PCDHA7: variants seen among roughly 807,000 people sequenced by gnomAD.
PCDHA7 encodes the protein protocadherin alpha-7.
Under a neutral mutation model 57.2 loss-of-function variants are expected in PCDHA7, and 37 were observed. The ratio of observed to expected loss-of-function variants is 0.65; its 90% CI spans 0.50 to 0.85. PCDHA7 has a LOEUF of 0.85. PCDHA7 is among the 40% of genes least tolerant of loss of function. The probability of loss-of-function intolerance (pLI) is 0.00; values close to 1 mark genes in which losing one functional copy is unlikely to be tolerated. For synonymous variants in PCDHA7, 553 were observed against 558.8 expected, an observed-to-expected ratio of 0.99 and a Z score of 0.15; for missense variants, 1,188 against 1,241.8, an observed-to-expected ratio of 0.96 and a Z score of 0.65.
intron 1 of PCDHA7, among the ~76,000 whole-genome samples, chr5:140,952,656 T>A (rs1554220534): frequency 6.6e-6 from 1 of 152,188 alleles, no homozygotes; most frequent in Admixed American, 6.5e-5. Flanking sequence ...GTTACCCAGT[T>A]CCAAAGTCAC....
chr5:140,871,588 T>C, intron 1 of PCDHA7: 1 of 1,463,366 alleles, frequency 6.8e-7, no homozygotes, highest in Non-Finnish European at 9.1e-7. Context: ...GAAAGTTTTA[T>C]GAATAACCAG....
intron 3 of PCDHA7, among the ~76,000 whole-genome samples, chr5:140,987,622 TAGATG>T (rs1554249376): frequency 2.6e-5 from 4 of 152,328 alleles, no homozygotes; most frequent in African/African-American, 9.6e-5. Flanking sequence ...TTGGAAGAAT[TAGATG>T]AGATAATGCA....
At chr5:140,851,866 C>G in intron 1 of PCDHA7, 1 of 976,572 alleles carries the variant, frequency 1.0e-6, no homozygotes, top group Non-Finnish European at 1.2e-6. Flanking sequence ...TCATACATAA[C>G]ACAAGGCAGA....
chr5:140,952,566 G>A (rs1198943972), intron 1 of PCDHA7, among the ~76,000 whole-genome samples: 1 of 151,938 alleles, frequency 6.6e-6, no homozygotes, highest in African/African-American at 2.4e-5. Flanking sequence ...TCAGCACTTC[G>A]GTCCCAATCA....
intron 1 of PCDHA7, chr5:140,927,270 C>G: frequency 6.2e-7 from 1 of 1,614,150 alleles, no homozygotes; most frequent in Non-Finnish European, 8.5e-7. Context: ...TCTTTCCTGC[C>G]GGCGACGTGC....
intron 1 of PCDHA7, chr5:140,966,733 C>T: frequency 7.1e-7 from 1 of 1,416,484 alleles, no homozygotes; most frequent in Non-Finnish European, 9.2e-7. Context: ...CCGCCTCCGG[C>T]CCTGCCCGGC....
chr5:140,941,231 C>CTT (rs1554214107), intron 1 of PCDHA7, among the ~76,000 whole-genome samples: 1 of 136,770 alleles, frequency 7.3e-6, no homozygotes, highest in African/African-American at 2.8e-5. Context: ...TTCTTTCTTT[C>CTT]TTTCTTTCTT....
At chr5:140,869,548 G>T in intron 1 of PCDHA7, 1 of 1,614,202 alleles carries the variant, frequency 6.2e-7, no homozygotes, top group Non-Finnish European at 8.5e-7. Flanking sequence ...TAAGCAATCG[G>T]ACTCGCGTTT....
At chr5:140,996,275 C>T (rs534624070) in intron 3 of PCDHA7, among the ~76,000 whole-genome samples, 43 of 152,224 alleles carry the variant, frequency 2.8e-4, no homozygotes, top group African/African-American at 8.7e-4. Flanking sequence ...GGGATTGCTG[C>T]CAAATTTCAA....
In PCDHA7 at chr5:140,835,368, C is replaced by T; in HGVS notation, c.985C>T (p.Pro329Ser). The change falls in exon 1 of 4, where the codon CCC becomes TCC. Residue 329 changes from proline to serine, a missense_variant. Physicochemically the swap from Pro to Ser is moderately conservative, Grantham distance 74. Coordinates refer to ENST00000525929, the MANE Select transcript of PCDHA7 (RefSeq NM_018910.3). ...CGAGGCTGTCGATAAAGGCTTCCCA[C>T]CCCTGGCTGGTCATTGTACAGTTCT... ...PVEAVDKGFPPLAGHCTVLVE... is the reference protein window; with the variant it reads ...PVEAVDKGFPSLAGHCTVLVE... The T allele has an allele frequency of 1.2e-6, 2 of 1,613,924 alleles. No individual in the cohort carries two copies. Among genetic ancestry groups the T allele is most frequent in the Non-Finnish European group, 1.7e-6 (2 of 1,179,854 alleles).
intron 1 of PCDHA7, among the ~76,000 whole-genome samples, chr5:140,947,069 T>G (rs2094080715): frequency 6.6e-6 from 1 of 151,696 alleles, no homozygotes; most frequent in Admixed American, 6.6e-5. Context: ...AGTGTATATA[T>G]GTATTGAAAC....
chr5:140,979,961 C>G (rs1554241296), intron 2 of PCDHA7, among the ~76,000 whole-genome samples: 1 of 152,054 alleles, frequency 6.6e-6, no homozygotes, highest in Non-Finnish European at 1.5e-5. Context: ...TAGTTTTAGC[C>G]CATTAAAATG....
intron 1 of PCDHA7, chr5:140,842,865 G>T (rs146195620): frequency 0.01 from 16,276 of 1,593,984 alleles, 1,624 homozygotes; most frequent in Non-Finnish European, 0.012. Flanking sequence ...ACGGAGAGCG[G>T]CAAGGTGTAC....
chr5:140,922,049 T>G (rs1368623726), intron 1 of PCDHA7, among the ~76,000 whole-genome samples: 1 of 152,066 alleles, frequency 6.6e-6, no homozygotes, highest in African/African-American at 2.4e-5. Context: ...CCCACATACC[T>G]TCAAAATGTA....
At chr5:141,006,412 A>G (rs1423476125) in intron 3 of PCDHA7, among the ~76,000 whole-genome samples, 7 of 151,898 alleles carry the variant, frequency 4.6e-5, no homozygotes, top group African/African-American at 1.7e-4. Flanking sequence ...ACGCGGTTTC[A>G]CTGTGTTAGC....
At position 140,841,259 on chromosome 5, in the gene PCDHA7, G is replaced by T. The variant is rs1777115854; in HGVS notation, c.2355+4521G>T. 3.3e-6 allele frequency: 5 copies of T among 1,517,592 alleles called. No homozygotes were observed. In the South Asian group the frequency reaches 6.6e-5, roughly 20 times the overall value. 94.0% of individuals were successfully genotyped at this position (1,517,592 alleles called of 1,614,324 possible). ...CAGCGGAATTGGATTAAAAGACTCT[G>T]AAAGTACAGTCGTTCATCTTTATAT... On this transcript the variant is annotated intron_variant, in intron 1 of 3. Transcript: ENST00000525929.
At chr5:141,008,837 C>T (rs1460664317) in intron 3 of PCDHA7, among the ~76,000 whole-genome samples, 10 of 152,178 alleles carry the variant, frequency 6.6e-5, no homozygotes, top group South Asian at 2.1e-4. Flanking sequence ...CATCCTCTTA[C>T]GCTGTGTATT....
intron 1 of PCDHA7, among the ~76,000 whole-genome samples, chr5:140,890,239 C>G (rs1398307605): frequency 6.6e-6 from 1 of 151,982 alleles, no homozygotes; most frequent in African/African-American, 2.4e-5. Context: ...AAGCATTTAC[C>G]AGTACACTAC....
At chr5:140,992,805 A>G (rs2097529327) in intron 3 of PCDHA7, among the ~76,000 whole-genome samples, 1 of 152,078 alleles carries the variant, frequency 6.6e-6, no homozygotes, top group Non-Finnish European at 1.5e-5. Flanking sequence ...ATCCATATGT[A>G]TCTAAGGATG....
Sources: allele counts gnomAD v4.1 joint callset (sites outside exome capture counted in the v4.1 genomes callset), GRCh38; gene constraint gnomAD v4.1.1; transcripts MANE v1.5; gene names NCBI Gene and HGNC (gene_info 2026-07-23, HGNC 2026-07-21).